ITIH6: variants seen among roughly 807,000 people sequenced by gnomAD.
The protein encoded by ITIH6 is inter-alpha-trypsin inhibitor heavy chain family member 6, also known as inter-alpha-trypsin inhibitor heavy chain H6.
A neutral mutation model predicts 58.2 loss-of-function variants in ITIH6; 60 were observed. The ratio of observed to expected loss-of-function variants is 1.03; its 90% confidence interval spans 0.84 to 1.28. The LOEUF is 1.28. ITIH6 is among the 50% of genes most tolerant of loss of function. The probability of loss-of-function intolerance (pLI) is 0.00; values close to 1 mark genes in which losing one functional copy is unlikely to be tolerated. For synonymous variants in ITIH6, 493 were observed against 417.4 expected (o/e 1.18, Z -2.21); for missense variants, 1,290 against 1,021.1 (o/e 1.26, Z -3.59).
At chrX:54,761,073 A>G in intron 6 of ITIH6, among the ~76,000 whole-genome samples, 1 of 111,639 alleles carries the variant, frequency 9.0e-6, no homozygotes, top group East Asian at 2.8e-4. Context: ...AAGTGTTCCT[A>G]TTTCTCCACA....
At chrX:54,797,234 A>G in intron 1 of ITIH6, 138 bp from the exon 2 acceptor site, 1 of 427,592 alleles carries the variant, frequency 2.3e-6, no homozygotes, top group Non-Finnish European at 3.9e-6. Context: ...GAGGGAAAAC[A>G]ACCTCTGTCA....
intron 4 of ITIH6, 56 bp downstream of exon 4, chrX:54,790,781 G>A: frequency 8.4e-7 from 1 of 1,193,407 alleles, no homozygotes; most frequent in East Asian, 3.0e-5. Context: ...GAATCGATAA[G>A]GTTTTCATTC....
chrX:54,759,333 C>A (rs1211487437), intron 7 of ITIH6, among the ~76,000 whole-genome samples: 2 of 111,582 alleles, frequency 1.8e-5, no homozygotes, highest in Non-Finnish European at 3.8e-5. Flanking sequence ...CTTCTTGCTA[C>A]AGGGGAAGAA....
intron 5 of ITIH6, among the ~76,000 whole-genome samples, chrX:54,786,604 G>A (rs1929247241): frequency 9.0e-6 from 1 of 111,201 alleles, no homozygotes; most frequent in Non-Finnish European, 1.9e-5. Flanking sequence ...CCACTTTGCC[G>A]GAATGCCTTT....
chrX:54,787,741 A>AG (rs770883538), intron 5 of ITIH6: 1 of 111,572 alleles, frequency 9.0e-6, no homozygotes, highest in African/African-American at 3.3e-5. Context: ...CAGTGGAGCA[A>AG]GGAGGAAGAA....
rs1422976437 is a variant in ITIH6, at chrX:54,767,375, T to C, written c.903+6706A>G. Among the ~76,000 whole-genome samples the C allele has an allele frequency of 2.6e-3, 281 of 108,132 alleles. 4 individuals are homozygous for C. The highest frequency in any genetic ancestry group is 9.3e-3 in the African/African-American group (264 of 28,302). The allele number at this position is 108,132 out of a possible 115,157, so 93.9% of individuals were successfully genotyped here. ...TCATTGATTTTTTGAAGGGTTTTTT[T>C]GTGTCTCTATTTCCTTCAGTTCTGC... is the stretch of plus-strand genomic sequence containing the variant. On this transcript the variant is annotated intron_variant, in intron 6 of 12. Coordinates refer to ENST00000218436, the MANE Select transcript of ITIH6 (RefSeq NM_198510.3).
chrX:54,790,672 C>A (rs1929327915), intron 4 of ITIH6, among the ~76,000 whole-genome samples, 165 bp downstream of exon 4: 1 of 111,622 alleles, frequency 9.0e-6, no homozygotes. Flanking sequence ...GGTTAAAATC[C>A]AAATATTTTC....
intron 11 of ITIH6, among the ~76,000 whole-genome samples, chrX:54,752,522 G>C (rs923527468): frequency 8.9e-6 from 1 of 112,270 alleles, no homozygotes; most frequent in African/African-American, 3.2e-5. Context: ...AATTTTCGAG[G>C]AAAAATTCAT....
In ITIH6 at chrX:54,758,705, C is replaced by T; in HGVS notation, c.1369G>A (p.Asp457Asn). 8.3e-7 allele frequency: 1 copy of T among 1,211,629 alleles called. No individual in the cohort carries two copies. Among genetic ancestry groups the T allele is most frequent in the Non-Finnish European group, 1.1e-6 (1 of 895,389 alleles). The change falls in exon 8 of 13, where the codon GAT becomes AAT. Residue 457 changes from aspartate to asparagine, a missense_variant. Coordinates refer to ENST00000218436, the MANE Select transcript of ITIH6 (RefSeq NM_198510.3). ...GIARRIYEDTDAALQLKGLYE... is the reference protein window; with the variant it reads ...GIARRIYEDTNAALQLKGLYE... The stretch of plus-strand genomic sequence containing the variant: ...AGGCCCTTCAGCTGTAGGGCCGCAT[C>T]AGTGTCCTCATATATGCGCCGGGCT...
intron 6 of ITIH6, among the ~76,000 whole-genome samples, chrX:54,763,227 A>G (rs1031809645): frequency 1.8e-5 from 2 of 112,008 alleles, no homozygotes; most frequent in African/African-American, 6.5e-5. Flanking sequence ...TAAGTGGATT[A>G]GAGTCTTTCC....
At chrX:54,791,122 A>T in intron 3 of ITIH6, 38 bp from the exon 4 acceptor site, 1 of 1,199,168 alleles carries the variant, frequency 8.3e-7, no homozygotes, top group Non-Finnish European at 1.1e-6. Context: ...AGAGAAAGGG[A>T]CCTTCAGAGG....
chrX:54,793,692 A>G (rs941333019), intron 2 of ITIH6, among the ~76,000 whole-genome samples: 1 of 112,017 alleles, frequency 8.9e-6, no homozygotes, highest in African/African-American at 3.2e-5. Flanking sequence ...GCAGGAAAAC[A>G]CAGAATGTGT....
chrX:54,755,099 G>A lies in ITIH6; in HGVS notation c.3120C>T (p.Asn1040=). The stretch of plus-strand genomic sequence containing the variant: ...GGATCTCCTCAGAATTGCCATCCCA[G>A]TTTGGACTTCCTGCCAAGCACAAAA... ...FLTPDEDGSP[N]WDGNSEEILG... is the part of the protein sequence containing the mutation. Residue 1040 remains asparagine, a synonymous_variant, in exon 9 of 13, where the codon AAC becomes AAT. Coordinates refer to ENST00000218436, the MANE Select transcript of ITIH6 (RefSeq NM_198510.3). 1 of 1,204,262 alleles carries A rather than the reference G, an allele frequency of 8.3e-7. No individual in the cohort carries two copies.
chrX:54,795,923 G>A (rs1003961599), intron 2 of ITIH6, among the ~76,000 whole-genome samples: 3 of 112,224 alleles, frequency 2.7e-5, no homozygotes, highest in African/African-American at 9.7e-5. Flanking sequence ...AGGCTGGAGT[G>A]CAGAGATCAT....
At chrX:54,753,810 A>G (rs765688023) in intron 10 of ITIH6, 46 bp from the exon 11 acceptor site, 48 of 1,125,941 alleles carry the variant, frequency 4.3e-5, no homozygotes, top group Non-Finnish European at 5.5e-5. Context: ...AATAAATGGA[A>G]GGGAGAGGGA....
rs770475883 is a variant in ITIH6 at position 54,757,900 on chromosome X, G to A, written c.2174C>T (p.Pro725Leu). The A allele has an allele frequency of 1.7e-6, 2 of 1,209,676 alleles. No individual in the cohort carries two copies. Among genetic ancestry groups the A allele is most frequent in the South Asian group, 1.8e-5 (1 of 56,770 alleles). ...TLAQPTLRTK[P>L]TILVPSNSGT... ...AGAATTTGAGGGCACAAGAATGGTA[G>A]GTTTTGTCCTGAGAGTTGGCTGGGC... Residue 725 changes from proline to leucine, a missense_variant, in exon 8 of 13, where the codon CCT (proline) becomes CTT (leucine). Transcript: ENST00000218436.
intron 8 of ITIH6, among the ~76,000 whole-genome samples, chrX:54,756,184 C>T (rs1332031575): frequency 9.0e-6 from 1 of 111,360 alleles, no homozygotes; most frequent in East Asian, 2.8e-4. Context: ...ATCCCTGTGA[C>T]TTAGGCACTC....
At chrX:54,777,878 A>G (rs184772498) in intron 5 of ITIH6, among the ~76,000 whole-genome samples, 97 of 112,310 alleles carry the variant, frequency 8.6e-4, no homozygotes, top group Middle Eastern at 4.6e-3. Flanking sequence ...ATAAATACTT[A>G]ACTCTTCAAT....
chrX:54,763,396 C>A (rs1196506149), intron 6 of ITIH6, among the ~76,000 whole-genome samples: 1 of 111,647 alleles, frequency 9.0e-6, no homozygotes, highest in Non-Finnish European at 1.9e-5. Context: ...GAAGTCAGAA[C>A]CTCTTGTTGA....
Sources: allele counts gnomAD v4.1 joint callset (sites outside exome capture counted in the v4.1 genomes callset), GRCh38; gene constraint gnomAD v4.1.1; transcripts MANE v1.5; gene names NCBI Gene and HGNC (gene_info 2026-07-23, HGNC 2026-07-21).